Variants in CNTN1 observed in about 807,000 individuals in gnomAD.
CNTN1 encodes the protein contactin 1, also known as contactin-1.
CNTN1 carries 38 observed loss-of-function variants against 126.4 expected under a neutral mutation model. The ratio of observed to expected loss-of-function variants is 0.30; its 90% CI spans 0.23 to 0.39. The LOEUF (loss-of-function observed/expected upper bound fraction) is 0.39. Ranked by LOEUF, CNTN1 falls within the 10% of genes least tolerant of loss-of-function variation. CNTN1 has a pLI of 1.00. For synonymous variants in CNTN1, 413 were observed against 422.6 expected (o/e 0.98, Z 0.28); for missense variants, 1,009 against 1,248.4 (o/e 0.81, Z 2.89).
At chr12:41,021,735 C>A (rs1948918015) in intron 20 of CNTN1, among the ~76,000 whole-genome samples, 1 of 148,610 alleles carries the variant, frequency 6.7e-6, no homozygotes, top group Admixed American at 6.8e-5. Context: ...TATTACAGTA[C>A]ACAGAAGAGT....
At chr12:40,967,641 G>A (rs189296829) in intron 15 of CNTN1, among the ~76,000 whole-genome samples, 28 of 152,124 alleles carry the variant, frequency 1.8e-4, no homozygotes, top group Admixed American at 1.4e-3. Flanking sequence ...ACATCCATGC[G>A]TATTTACCAG....
intron 1 of CNTN1, among the ~76,000 whole-genome samples, chr12:40,715,839 T>C (rs762525317): frequency 6.6e-6 from 1 of 152,146 alleles, no homozygotes; most frequent in Non-Finnish European, 1.5e-5. Flanking sequence ...CACAACCTAG[T>C]TGAATGTTAA....
chr12:40,692,905 A>G (rs1461767610), intron 1 of CNTN1, among the ~76,000 whole-genome samples: 1 of 151,484 alleles, frequency 6.6e-6, no homozygotes, highest in African/African-American at 2.4e-5. Flanking sequence ...AGCGCCGGGA[A>G]CTCGCCCCAG....
At chr12:40,933,209 T>A (rs1465393358) in intron 7 of CNTN1, among the ~76,000 whole-genome samples, 2 of 151,958 alleles carry the variant, frequency 1.3e-5, no homozygotes, top group Non-Finnish European at 2.9e-5. Context: ...AGACAGGATT[T>A]TTTTTAGTAA....
Position 40,795,396 on chromosome 12 carries a change from G to A in CNTN1, c.-77+102804G>A, listed in dbSNP as rs558350011. On this transcript the variant is annotated intron_variant, in intron 1 of 23. Coordinates refer to ENST00000551295, the MANE Select transcript of CNTN1 (RefSeq NM_001843.4). ...CAGTGGTGCGATTTTGGCTCACTGCGACACACACATTTTATTAAGCAGAAT... is the reference window on the plus strand; with the variant it reads ...CAGTGGTGCGATTTTGGCTCACTGCAACACACACATTTTATTAAGCAGAAT... 1.6e-4 allele frequency among the ~76,000 whole-genome samples: 23 copies of A among 147,454 alleles called. No individual in the cohort carries two copies. In the South Asian group the frequency reaches 3.6e-3, roughly 23 times the overall value.
intron 16 of CNTN1, among the ~76,000 whole-genome samples, chr12:40,990,379 G>A (rs990039229): frequency 6.6e-6 from 1 of 152,122 alleles, no homozygotes; most frequent in South Asian, 2.1e-4. Context: ...CTTTGAGAGA[G>A]TTTTATGCGT....
intron 17 of CNTN1, among the ~76,000 whole-genome samples, chr12:41,001,807 G>A (rs1487515024): frequency 1.3e-5 from 2 of 152,152 alleles, no homozygotes; most frequent in East Asian, 1.9e-4. Flanking sequence ...CATATATGGT[G>A]TAAGGAAGGG....
intron 1 of CNTN1, among the ~76,000 whole-genome samples, chr12:40,723,986 T>A (rs1312012310): frequency 6.6e-6 from 1 of 152,176 alleles, no homozygotes; most frequent in Non-Finnish European, 1.5e-5. Flanking sequence ...CAGAGAGAGT[T>A]ACAAATTATA....
chr12:40,708,495 T>C (rs1300647857), intron 1 of CNTN1, among the ~76,000 whole-genome samples: 4 of 152,210 alleles, frequency 2.6e-5, no homozygotes, highest in African/African-American at 9.6e-5. Flanking sequence ...TAGATGCTGA[T>C]TTCTGAAGAC....
chr12:40,748,314 C>T lies in CNTN1; in HGVS notation c.-77+55722C>T, dbSNP rs536381534. Among the ~76,000 whole-genome samples, 3 of 152,030 alleles carry T rather than the reference C, an allele frequency of 2.0e-5. No homozygotes were observed. The South Asian group carries it at 6.2e-4, about 32-fold the overall frequency. On this transcript the variant is annotated intron_variant, in intron 1 of 23. Coordinates refer to ENST00000551295, the MANE Select transcript of CNTN1 (RefSeq NM_001843.4). ...TTTACATAAAAATTCATCATTAATC[C>T]CTGCAACAAACTCGTGAGGTAGGTA...
At chr12:41,035,530 A>G (rs1483302870) in intron 23 of CNTN1, among the ~76,000 whole-genome samples, 3 of 152,226 alleles carry the variant, frequency 2.0e-5, no homozygotes, top group Non-Finnish European at 4.4e-5. Flanking sequence ...AATGGATATC[A>G]GAAGAATAAA....
rs1948731966 is a variant in CNTN1, at chr12:41,014,307, T to G, written c.2184+9T>G. On this transcript the variant is annotated intron_variant, in intron 18 of 23. Coordinates refer to ENST00000551295, the MANE Select transcript of CNTN1 (RefSeq NM_001843.4). ...TGACCATAACATGGGCGGTAAGTAT[T>G]GATGAGTTGCACATATTATAGGTTG... The G allele has an allele frequency of 6.2e-7, 1 of 1,613,486 alleles. No individual in the cohort carries two copies. The highest frequency in any genetic ancestry group is 1.3e-5 in the African/African-American group (1 of 74,928).
At position 40,929,912 on chromosome 12, in the gene CNTN1, G is replaced by C. The variant is rs755054882; in HGVS notation, c.613G>C (p.Asp205His). Residue 205 changes from aspartate (D) to histidine (H), a missense_variant, in exon 7 of 24, where the codon GAC becomes CAC. Asp to His is a moderately conservative substitution (Grantham distance 81). Coordinates refer to ENST00000551295, the MANE Select transcript of CNTN1 (RefSeq NM_001843.4). The stretch of plus-strand genomic sequence containing the variant: ...CTACATTGCAAATGTTGAGGCTTCC[G>C]ACAAAGGCAATTATTCCTGCTTTGT... ...NLYIANVEAS[D>H]KGNYSCFVSS... The C allele has an allele frequency of 4.3e-6, 7 of 1,612,796 alleles. No homozygotes were observed. The highest frequency in any genetic ancestry group is 5.1e-6 in the Non-Finnish European group (6 of 1,179,160).
At chr12:40,773,696 C>CACAT (rs1555155615) in intron 1 of CNTN1, among the ~76,000 whole-genome samples, 3 of 19,914 alleles carry the variant, frequency 1.5e-4, no homozygotes, top group Non-Finnish European at 2.1e-4. Flanking sequence ...TATATATACA[C>CACAT]ATATATATAT....
At chr12:40,758,658 A>G (rs186121767) in intron 1 of CNTN1, among the ~76,000 whole-genome samples, 102 of 152,264 alleles carry the variant, frequency 6.7e-4, no homozygotes, top group African/African-American at 2.4e-3. Context: ...AGTATAATGA[A>G]CTGCTACACA....
At chr12:40,703,959 G>A (rs1941668446) in intron 1 of CNTN1, among the ~76,000 whole-genome samples, 1 of 152,100 alleles carries the variant, frequency 6.6e-6, no homozygotes, top group African/African-American at 2.4e-5. Context: ...CTGCAAATGG[G>A]TGCCAACATG....
At chr12:41,064,972 C>T (rs540631531) in intron 23 of CNTN1, among the ~76,000 whole-genome samples, 23 of 152,258 alleles carry the variant, frequency 1.5e-4, no homozygotes, top group Admixed American at 1.5e-3. Flanking sequence ...GTTTCCAGAA[C>T]GTCTGACTCA....
At chr12:40,976,089 C>A (rs1947662934) in intron 15 of CNTN1, among the ~76,000 whole-genome samples, 2 of 152,070 alleles carry the variant, frequency 1.3e-5, no homozygotes, top group Admixed American at 6.6e-5. Flanking sequence ...TTTTTATTCC[C>A]TCCTCCATAT....
intron 1 of CNTN1, among the ~76,000 whole-genome samples, chr12:40,856,539 G>A (rs1477212725): frequency 1.3e-5 from 2 of 152,056 alleles, no homozygotes; most frequent in Admixed American, 6.6e-5. Flanking sequence ...CAGCCACAAG[G>A]GTGAAGATGC....
Sources: gnomAD v4.1 joint callset for allele counts (sites outside exome capture counted in the v4.1 genomes callset) on GRCh38, gnomAD v4.1.1 for gene constraint, MANE v1.5 for transcripts, NCBI Gene and HGNC (gene_info 2026-07-23, HGNC 2026-07-21) for gene names.